IL10RB: variants seen among roughly 807,000 people sequenced by gnomAD.
The protein encoded by IL10RB is interleukin-10 receptor subunit beta.
In IL10RB, 30 loss-of-function variants were observed where a neutral mutation model predicts 38.7. That is an observed-to-expected ratio of 0.78 (90% CI 0.58 to 1.05). The LOEUF (loss-of-function observed/expected upper bound fraction) is 1.05. IL10RB is among the 50% of genes least tolerant of loss of function. The pLI is 0.00. For synonymous variants in IL10RB, 142 were observed against 145.9 expected, an observed-to-expected ratio of 0.97 and a Z score of 0.19; for missense variants, 328 against 397.1, an observed-to-expected ratio of 0.83 and a Z score of 1.48.
At chr21:33,271,307 G>A (rs1254996903) in intron 2 of IL10RB, among the ~76,000 whole-genome samples, 4 of 152,180 alleles carry the variant, frequency 2.6e-5, no homozygotes, top group African/African-American at 4.8e-5. Flanking sequence ...GTCCAGAGCC[G>A]GGGGCACTTC....
intron 5 of IL10RB, among the ~76,000 whole-genome samples, chr21:33,284,769 G>A (rs1259877553): frequency 6.6e-6 from 1 of 152,162 alleles, no homozygotes; most frequent in African/African-American, 2.4e-5. Flanking sequence ...CCCCCACTTA[G>A]CTTTCCACCA....
At chr21:33,286,616 C>T (rs899810078) in intron 5 of IL10RB, among the ~76,000 whole-genome samples, 3 of 152,064 alleles carry the variant, frequency 2.0e-5, no homozygotes, top group African/African-American at 7.2e-5. Context: ...GAACGAGGGC[C>T]GGGGCAGGAG....
At chr21:33,306,350 A>G (rs1285017160) in intron 1 of IL10RB, among the ~76,000 whole-genome samples, 1 of 152,236 alleles carries the variant, frequency 6.6e-6, no homozygotes, top group Non-Finnish European at 1.5e-5. Context: ...TTTTGTAACA[A>G]TTATATTCAT....
chr21:33,290,661 A>C (rs889514739), intron 6 of IL10RB, among the ~76,000 whole-genome samples: 7 of 152,212 alleles, frequency 4.6e-5, no homozygotes, highest in African/African-American at 1.4e-4. Flanking sequence ...GCTGGAGGAC[A>C]ATGCCTTGCC....
intron 1 of IL10RB, among the ~76,000 whole-genome samples, chr21:33,303,150 T>A (rs2082990086): frequency 6.6e-6 from 1 of 152,132 alleles, no homozygotes; most frequent in Non-Finnish European, 1.5e-5. Context: ...GACTCAGTTC[T>A]TTCCTACTCC....
intron 2 of IL10RB, among the ~76,000 whole-genome samples, chr21:33,273,888 C>T (rs765188200): frequency 2.6e-5 from 4 of 152,228 alleles, no homozygotes; most frequent in Admixed American, 6.5e-5. Flanking sequence ...GTCGCATCTT[C>T]GGGTTCCGCT....
chr21:33,293,086 G>A (rs1189213441), intron 6 of IL10RB, among the ~76,000 whole-genome samples: 1 of 152,226 alleles, frequency 6.6e-6, no homozygotes, highest in Non-Finnish European at 1.5e-5. Flanking sequence ...TAAAGAGGAT[G>A]TCCTGGCATG....
intron 3 of IL10RB, among the ~76,000 whole-genome samples, chr21:33,278,374 G>T (rs371590417): frequency 5.3e-5 from 8 of 152,144 alleles, no homozygotes; most frequent in Non-Finnish European, 1.0e-4. Flanking sequence ...GGGTAAAAAC[G>T]TCTTACTTTT....
intron 1 of IL10RB, among the ~76,000 whole-genome samples, chr21:33,304,458 A>G (rs1467287685): frequency 6.6e-5 from 10 of 152,198 alleles, no homozygotes; most frequent in Non-Finnish European, 1.5e-4. Context: ...GATCCAGCCA[A>G]TATCCATCCA....
chr21:33,295,876 C>G (rs1415846580), intron 6 of IL10RB, among the ~76,000 whole-genome samples: 1 of 152,060 alleles, frequency 6.6e-6, no homozygotes, highest in African/African-American at 2.4e-5. Context: ...GAAATCCCAT[C>G]TGTACTAAAA....
intron 6 of IL10RB, among the ~76,000 whole-genome samples, chr21:33,291,802 C>G (rs989910970): frequency 3.3e-5 from 5 of 152,148 alleles, no homozygotes; most frequent in African/African-American, 1.2e-4. Context: ...CGGGGAATGC[C>G]GTCATATCAG....
At position 33,292,208 on chromosome 21, in the gene IL10RB, C is replaced by T. The variant is rs28385664; in HGVS notation, c.804+3947C>T. On this transcript the variant is annotated intron_variant, in intron 6 of 6. Transcript: ENST00000290200. ...TGTCACTAACCCCTGCCTGGGATCC[C>T]ACAGCTGGCCTGATCTTGGGCTGCT... Among the ~76,000 whole-genome samples the T allele has an allele frequency of 4.4e-3, 666 of 152,332 alleles. 3 individuals carry two copies. Among genetic ancestry groups the T allele is most frequent in the African/African-American group, 0.011 (471 of 41,582 alleles).
intron 4 of IL10RB, among the ~76,000 whole-genome samples, chr21:33,281,986 T>C (rs1490053143): frequency 6.6e-6 from 1 of 152,172 alleles, no homozygotes; most frequent in Non-Finnish European, 1.5e-5. Context: ...CCTGCTTGCC[T>C]CTGAGTTTAA....
chr21:33,289,724 G>A (rs1450174180), intron 6 of IL10RB, among the ~76,000 whole-genome samples: 1 of 152,120 alleles, frequency 6.6e-6, no homozygotes, highest in Non-Finnish European at 1.5e-5. Flanking sequence ...AAAGTTTATC[G>A]GGCCTTGTTT....
At chr21:33,287,995 A>G (rs1034285564) in intron 5 of IL10RB, 109 bp from the exon 6 acceptor site, 2 of 1,075,584 alleles carry the variant, frequency 1.9e-6, no homozygotes, top group Non-Finnish European at 2.9e-6. Context: ...ACGTCCCCCA[A>G]GATAAACGTA....
In IL10RB at chr21:33,296,969, A is replaced by C. The variant is rs1057226678; in HGVS notation, c.*612A>C. The stretch of plus-strand genomic sequence containing the variant: ...ACTCCATCTCAAAAAAAAAAAAAAA[A>C]AAAATTGTGAGAAACAGAAATACTT... On this transcript the variant is annotated 3_prime_UTR_variant, in exon 7 of 7. Transcript: ENST00000290200. The C allele has an allele frequency of 5.7e-6, 1 of 176,850 alleles. No homozygotes were observed. The highest frequency in any genetic ancestry group is 5.6e-5 in the Admixed American group (1 of 17,984). 11.0% of individuals were successfully genotyped at this position (176,850 alleles called of 1,614,324 possible).
intron 4 of IL10RB, 74 bp from the exon 5 acceptor site, chr21:33,283,019 TG>T: frequency 8.2e-7 from 1 of 1,213,992 alleles, no homozygotes; most frequent in Non-Finnish European, 1.2e-6. Flanking sequence ...CTATTATCAC[TG>T]ATAAATGTGA....
chr21:33,303,021 A>T (rs2082989703), intron 1 of IL10RB, among the ~76,000 whole-genome samples: 1 of 152,180 alleles, frequency 6.6e-6, no homozygotes, highest in Non-Finnish European at 1.5e-5. Flanking sequence ...GCTCTTATGC[A>T]CACCTGTGTT....
intron 5 of IL10RB, among the ~76,000 whole-genome samples, chr21:33,283,471 G>C (rs1274577204): frequency 1.3e-5 from 2 of 152,166 alleles, no homozygotes; most frequent in Non-Finnish European, 1.5e-5. Context: ...TTTTCTGTCT[G>C]GTGGAGCGAG....
Sources: gnomAD v4.1 joint callset for allele counts (sites outside exome capture counted in the v4.1 genomes callset) on GRCh38, gnomAD v4.1.1 for gene constraint, MANE v1.5 for transcripts, NCBI Gene and HGNC (gene_info 2026-07-23, HGNC 2026-07-21) for gene names.